Variants in SPATA31D1 observed in about 807,000 individuals in gnomAD.
SPATA31D1 encodes the protein SPATA31 subfamily D member 1, also known as spermatogenesis-associated protein 31D1.
Under a neutral mutation model 13.2 loss-of-function variants are expected in SPATA31D1, and 6 were observed. That is an observed-to-expected ratio of 0.46 (90% CI 0.25 to 0.90). SPATA31D1 has a LOEUF of 0.90. Among genes scored for constraint, SPATA31D1 ranks in the 40% least tolerant of loss-of-function variants. SPATA31D1 has a pLI of 0.18. For synonymous variants in SPATA31D1, 903 were observed against 718.8 expected (o/e 1.26, Z -4.10); for missense variants, 2,445 against 1,884.7 (o/e 1.30, Z -5.50).
Position 81,993,245 on chromosome 9 carries a change from C to T in SPATA31D1, c.2775C>T (p.Ser925=). The T allele has an allele frequency of 6.2e-7, 1 of 1,613,946 alleles. No homozygotes were observed. Reference sequence around the variant, plus strand: ...GCCTTCCCCTCAAGGTCCTTGAATCCATAGAAATCTTCAAATCGAAAGCGG... The same window carrying T: ...GCCTTCCCCTCAAGGTCCTTGAATCTATAGAAATCTTCAAATCGAAAGCGG... The part of the protein sequence containing the change: ...LWGLPLKVLE[S]IEIFKSKADL... The change falls in exon 4 of 4, where the codon TCC becomes TCT. Residue 925 remains serine (S), a synonymous_variant. Coordinates refer to ENST00000344803, the MANE Select transcript of SPATA31D1 (RefSeq NM_001001670.3).
rs1824958468 is a variant in SPATA31D1, at chr9:81,991,429, T to C, written c.959T>C (p.Ile320Thr). 5.0e-6 allele frequency: 8 copies of C among 1,614,020 alleles called. No homozygotes were observed. The highest frequency in any genetic ancestry group is 6.8e-6 in the Non-Finnish European group (8 of 1,179,896). The change falls in exon 4 of 4, where the codon ATC (isoleucine) becomes ACC (threonine). Residue 320 changes from isoleucine (I) to threonine (T), a missense_variant. Coordinates refer to ENST00000344803, the MANE Select transcript of SPATA31D1 (RefSeq NM_001001670.3). ...ACTCAGTCTAAATCAAGTCTCACCA[T>C]CTTGAAGACTTTTCCGGAAATGTTA... is the stretch of plus-strand genomic sequence containing the variant. ...TVTQSKSSLTILKTFPEMLSL... is the reference protein window; with the variant it reads ...TVTQSKSSLTTLKTFPEMLSL...
Position 81,995,239 on chromosome 9 carries a change from A to T in SPATA31D1, c.*38A>T. On this transcript the variant is annotated 3_prime_UTR_variant, in exon 4 of 4. Transcript: ENST00000344803. ...TGAGAATCTTGATTCTCCCCAATAA[A>T]TGTTCCAATAAGAAGGATGTCTTTT... is the stretch of plus-strand genomic sequence containing the variant. The T allele has an allele frequency of 6.9e-7, 1 of 1,456,062 alleles. No homozygotes were observed. The highest frequency in any genetic ancestry group is 9.1e-7 in the Non-Finnish European group (1 of 1,100,022). 90.2% of individuals were successfully genotyped at this position (1,456,062 alleles called of 1,614,324 possible).
rs1587529801 is a variant in SPATA31D1, at chr9:81,992,139, A to C, written c.1669A>C (p.Ser557Arg). Residue 557 changes from serine (S) to arginine (R), a missense_variant, in exon 4 of 4, where the codon AGT becomes CGT. Transcript: ENST00000344803. ...CCCTCCCCAACCTCTGTCCTTGCCT[A>C]GTACCCAACCACTACCCTTGCCTCA... ...LPPPQPLSLPSTQPLPLPQTL... is the reference protein window; with the variant it reads ...LPPPQPLSLPRTQPLPLPQTL... 6.2e-7 allele frequency: 1 copy of C among 1,613,670 alleles called. No homozygotes were observed. Among genetic ancestry groups the C allele is most frequent in the Non-Finnish European group, 8.5e-7 (1 of 1,179,712 alleles).
Position 81,991,032 on chromosome 9 carries a change from C to T in SPATA31D1, c.562C>T (p.Pro188Ser), listed in dbSNP as rs367678939. 3.5e-5 allele frequency: 57 copies of T among 1,613,384 alleles called. No homozygotes were observed. The highest frequency in any genetic ancestry group is 4.2e-5 in the Non-Finnish European group (50 of 1,179,702). ...ATPPEDLILS[P>S]RPKASPPPPL... is the part of the protein sequence containing the mutation. ...CCCTCCAGAAGACCTAATACTGTCC[C>T]CTCGGCCTAAGGCCTCTCCACCACC... The change falls in exon 4 of 4, where the codon CCT becomes TCT. Residue 188 changes from proline (P) to serine (S), a missense_variant. Physicochemically the swap from Pro to Ser is moderately conservative, Grantham distance 74. Transcript: ENST00000344803.
At position 81,993,460 on chromosome 9, in the gene SPATA31D1, G is replaced by T; in HGVS notation, c.2990G>T (p.Gly997Val). The change falls in exon 4 of 4, where the codon GGG becomes GTG. Residue 997 changes from glycine (G) to valine (V), a missense_variant. By Grantham distance (109) the Gly-to-Val change is moderately radical. Coordinates refer to ENST00000344803, the MANE Select transcript of SPATA31D1 (RefSeq NM_001001670.3). ...HPVSSPVVQE[G>V]QGTLRRQFSD... is the part of the protein sequence containing the mutation. ...GTCTCCTCACCTGTCGTCCAAGAAG[G>T]GCAGGGGACCCTGAGAAGACAATTT... 6.2e-7 allele frequency: 1 copy of T among 1,613,748 alleles called. No homozygotes were observed. The highest frequency in any genetic ancestry group is 8.5e-7 in the Non-Finnish European group (1 of 1,179,836).
Position 81,992,388 on chromosome 9 carries a change from C to G in SPATA31D1, c.1918C>G (p.Pro640Ala), listed in dbSNP as rs763259162. 3.1e-6 allele frequency: 5 copies of G among 1,613,736 alleles called. No individual in the cohort carries two copies. Among genetic ancestry groups the G allele is most frequent in the Non-Finnish European group, 4.2e-6 (5 of 1,179,728 alleles). Residue 640 changes from proline (P) to alanine (A), a missense_variant, in exon 4 of 4, where the codon CCC becomes GCC. Coordinates refer to ENST00000344803, the MANE Select transcript of SPATA31D1 (RefSeq NM_001001670.3). Reference sequence around the variant, plus strand: ...AGTGCAGGAAAGTTTGTGGGGCTTACCCTCTGTGGTTCAAAAATCCCAGGA... The same window carrying G: ...AGTGCAGGAAAGTTTGTGGGGCTTAGCCTCTGTGGTTCAAAAATCCCAGGA... ...QKVQESLWGL[P>A]SVVQKSQEDF...
At position 81,994,186 on chromosome 9, in the gene SPATA31D1, C is replaced by T. The variant is rs941105912; in HGVS notation, c.3716C>T (p.Thr1239Ile). ...AACTTGAGTTCCAAGGACTTACTGA[C>T]TAATTCCCAGGGCATCTCGAGTGGG... ...LDNLSSKDLL[T>I]NSQGISSGDM... The change falls in exon 4 of 4, where the codon ACT (threonine) becomes ATT (isoleucine). Residue 1239 changes from threonine (T) to isoleucine (I), a missense_variant. Physicochemically the swap from Thr to Ile is moderately conservative, Grantham distance 89. Coordinates refer to ENST00000344803, the MANE Select transcript of SPATA31D1 (RefSeq NM_001001670.3). 1.9e-6 allele frequency: 3 copies of T among 1,613,932 alleles called. No homozygotes were observed. Among genetic ancestry groups the T allele is most frequent in the Non-Finnish European group, 1.7e-6 (2 of 1,179,912 alleles).
chr9:81,991,103 A>T lies in SPATA31D1; in HGVS notation c.633A>T (p.Leu211Phe). 1 of 1,613,074 alleles carries T rather than the reference A, an allele frequency of 6.2e-7. No individual in the cohort carries two copies. Among genetic ancestry groups the T allele is most frequent in the Non-Finnish European group, 8.5e-7 (1 of 1,179,572 alleles). Residue 211 changes from leucine (L) to phenylalanine (F), a missense_variant, in exon 4 of 4, where the codon TTA (leucine) becomes TTT (phenylalanine). Physicochemically the swap from Leu to Phe is conservative, Grantham distance 22 (BLOSUM62 0). Coordinates refer to ENST00000344803, the MANE Select transcript of SPATA31D1 (RefSeq NM_001001670.3). ...ACCTGATCACCACCTTAGCTGACTT[A>T]TTTTCACCCTCACCACTGAGGGACC... ...SPDLITTLAD[L>F]FSPSPLRDPL... is the part of the protein sequence containing the mutation.
rs372028836 is a variant in SPATA31D1, at chr9:81,992,967, C to T, written c.2497C>T (p.Arg833Cys). ...ACAACTTGAAAATGCCCTGACAGTA[C>T]GTTTGAGCAAGAAATTTGAGGAAAT... ...QKQLENALTVRLSKKFEEINE... is the reference protein window; with the variant it reads ...QKQLENALTVCLSKKFEEINE... The change falls in exon 4 of 4, where the codon CGT becomes TGT. Residue 833 changes from arginine (R) to cysteine (C), a missense_variant. By Grantham distance (180) the Arg-to-Cys change is radical. Coordinates refer to ENST00000344803, the MANE Select transcript of SPATA31D1 (RefSeq NM_001001670.3). The T allele has an allele frequency of 4.7e-5, 76 of 1,613,728 alleles. No individual in the cohort carries two copies. Among genetic ancestry groups the T allele is most frequent in the Middle Eastern group, 3.3e-4 (2 of 6,056 alleles).
rs765637262 is a variant in SPATA31D1 at position 81,993,969 on chromosome 9, G to A, written c.3499G>A (p.Gly1167Arg). ...TRNNLTTSKS[G>R]SCSLTNVKAS... Reference sequence around the variant, plus strand: ...GAACAACTTGACAACCAGCAAGTCAGGAAGCTGCTCACTGACAAATGTGAA... The same window carrying A: ...GAACAACTTGACAACCAGCAAGTCAAGAAGCTGCTCACTGACAAATGTGAA... Residue 1167 changes from glycine to arginine, a missense_variant, in exon 4 of 4, where the codon GGA becomes AGA. Transcript: ENST00000344803. 2 of 1,613,778 alleles carry A rather than the reference G, an allele frequency of 1.2e-6. No individual in the cohort carries two copies. The highest frequency in any genetic ancestry group is 1.7e-6 in the Non-Finnish European group (2 of 1,179,766).
Position 81,988,953 on chromosome 9 carries a change from G to A in SPATA31D1, c.135G>A (p.Val45=). The stretch of plus-strand genomic sequence containing the variant: ...TGTTTATACTGTACTTGTTCTACGT[G>A]GTATTGACCCTGTATTCGTCACCCA... The part of the protein sequence containing the change: ...LGLFILYLFY[V]VLTLYSSPTE... The change falls in exon 1 of 4, where the codon GTG becomes GTA. Residue 45 remains valine (V), a synonymous_variant. Transcript: ENST00000344803. The A allele has an allele frequency of 6.2e-7, 1 of 1,612,006 alleles. No individual in the cohort carries two copies. The highest frequency in any genetic ancestry group is 8.5e-7 in the Non-Finnish European group (1 of 1,179,704).
Position 81,993,471 on chromosome 9 carries a change from C to A in SPATA31D1, c.3001C>A (p.Leu1001Met), listed in dbSNP as rs1214041876. The change falls in exon 4 of 4, where the codon CTG becomes ATG. Residue 1001 changes from leucine to methionine, a missense_variant. By Grantham distance (15) the Leu-to-Met change is conservative. Coordinates refer to ENST00000344803, the MANE Select transcript of SPATA31D1 (RefSeq NM_001001670.3). Reference protein sequence around the residue: ...SPVVQEGQGTLRRQFSDTDHD... With the variant: ...SPVVQEGQGTMRRQFSDTDHD... ...TGTCGTCCAAGAAGGGCAGGGGACC[C>A]TGAGAAGACAATTTTCTGATACTGA... is the stretch of plus-strand genomic sequence containing the variant. The A allele has an allele frequency of 5.6e-6, 9 of 1,613,830 alleles. No individual in the cohort carries two copies. The highest frequency in any genetic ancestry group is 5.5e-5 in the South Asian group (5 of 91,064).
chr9:81,988,947 C>G lies in SPATA31D1; in HGVS notation c.129C>G (p.Phe43Leu), dbSNP rs1402255850. The G allele has an allele frequency of 2.5e-6, 4 of 1,612,156 alleles. No individual in the cohort carries two copies. The highest frequency in any genetic ancestry group is 2.5e-6 in the Non-Finnish European group (3 of 1,179,716). The change falls in exon 1 of 4, where the codon TTC becomes TTG. Residue 43 changes from phenylalanine to leucine, a missense_variant. Transcript: ENST00000344803. ...SGLGLFILYL[F>L]YVVLTLYSSP... ...TGGGGTTGTTTATACTGTACTTGTT[C>G]TACGTGGTATTGACCCTGTATTCGT... is the stretch of plus-strand genomic sequence containing the variant.
chr9:81,991,073 A>C lies in SPATA31D1; in HGVS notation c.603A>C (p.Ser201=), dbSNP rs762445757. The change falls in exon 4 of 4, where the codon TCA becomes TCC. Residue 201 remains serine, a synonymous_variant. Transcript: ENST00000344803. ...CTCCACCACCCCCCTTAATTCTCTC[A>C]CCTGACCTGATCACCACCTTAGCTG... The part of the protein sequence containing the change: ...KASPPPPLIL[S]PDLITTLADL... 3.5e-5 allele frequency: 57 copies of C among 1,612,902 alleles called. No homozygotes were observed. The highest frequency in any genetic ancestry group is 1.9e-4 in the African/African-American group (14 of 74,654).
chr9:81,992,813 A>G lies in SPATA31D1; in HGVS notation c.2343A>G (p.Pro781=). ...AGGGATACAGCCAGGAGACTGTCCC[A>G]AAAGATCACCTGTTGCATGGTCCGG... The part of the protein sequence containing the change: ...NYQGYSQETV[P]KDHLLHGPET... The change falls in exon 4 of 4, where the codon CCA becomes CCG. Residue 781 remains proline, a synonymous_variant. Coordinates refer to ENST00000344803, the MANE Select transcript of SPATA31D1 (RefSeq NM_001001670.3). 1.2e-6 allele frequency: 2 copies of G among 1,613,826 alleles called. No homozygotes were observed. The highest frequency in any genetic ancestry group is 1.7e-6 in the Non-Finnish European group (2 of 1,179,724).
rs760994799 is a variant in SPATA31D1, at chr9:81,993,612, C to A, written c.3142C>A (p.His1048Asn). The part of the protein sequence containing the change: ...DSTSSFPILG[H>N]SYLVTSPVNQ... The stretch of plus-strand genomic sequence containing the variant: ...AACAAGCTCATTCCCCATCCTCGGT[C>A]ATTCTTACCTTGTCACTTCACCTGT... Residue 1048 changes from histidine (H) to asparagine (N), a missense_variant, in exon 4 of 4, where the codon CAT (histidine) becomes AAT (asparagine). Physicochemically the swap from His to Asn is moderately conservative, Grantham distance 68 (BLOSUM62 1). Coordinates refer to ENST00000344803, the MANE Select transcript of SPATA31D1 (RefSeq NM_001001670.3). The A allele has an allele frequency of 4.3e-6, 7 of 1,613,850 alleles. No individual in the cohort carries two copies. The highest frequency in any genetic ancestry group is 5.9e-6 in the Non-Finnish European group (7 of 1,179,886).
chr9:81,989,297 ATTAT>A (rs1255091003), intron 1 of SPATA31D1, among the ~76,000 whole-genome samples: 1 of 152,136 alleles, frequency 6.6e-6, no homozygotes, highest in Non-Finnish European at 1.5e-5. Context: ...CCCAGGTGGG[ATTAT>A]TTAGAGATTG....
At position 81,991,688 on chromosome 9, in the gene SPATA31D1, T is replaced by C. The variant is rs1440692272; in HGVS notation, c.1218T>C (p.Phe406=). ...ANLIEPVNIS[F]LSHDILALLE... ...TCATAGAGCCTGTTAACATCTCATTTCTCAGCCATGACATTCTGGCACTCC... is the reference window on the plus strand; with the variant it reads ...TCATAGAGCCTGTTAACATCTCATTCCTCAGCCATGACATTCTGGCACTCC... The change falls in exon 4 of 4, where the codon TTT becomes TTC. Residue 406 remains phenylalanine (F), a synonymous_variant. Transcript: ENST00000344803. The C allele has an allele frequency of 6.2e-7, 1 of 1,613,926 alleles. No individual in the cohort carries two copies. The highest frequency in any genetic ancestry group is 1.1e-5 in the South Asian group (1 of 91,068).
rs1824983788 is a variant in SPATA31D1, at chr9:81,992,191, A to G, written c.1721A>G (p.His574Arg). The G allele has an allele frequency of 3.1e-6, 5 of 1,613,500 alleles. No individual in the cohort carries two copies. In the African/African-American group the frequency reaches 4.0e-5, roughly 13 times the overall value. Reference sequence around the variant, plus strand: ...ACCCTGCCCCAAGGTCAGTCCCCACATCTCACTCAGGTGAAGTCCCTGGCT... The same window carrying G: ...ACCCTGCCCCAAGGTCAGTCCCCACGTCTCACTCAGGTGAAGTCCCTGGCT... ...PQTLPQGQSP[H>R]LTQVKSLAQP... Residue 574 changes from histidine to arginine, a missense_variant, in exon 4 of 4, where the codon CAT becomes CGT. His to Arg is a conservative substitution (Grantham distance 29, BLOSUM62 0). Transcript: ENST00000344803.
Sources: gnomAD v4.1 joint callset for allele counts (sites outside exome capture counted in the v4.1 genomes callset) on GRCh38, gnomAD v4.1.1 for gene constraint, MANE v1.5 for transcripts, NCBI Gene and HGNC (gene_info 2026-07-23, HGNC 2026-07-21) for gene names.